Variants in METTL15 observed in about 807,000 individuals in gnomAD.
The protein encoded by METTL15 is 12S rRNA N(4)-cytidine methyltransferase METTL15.
In METTL15, 34 loss-of-function variants were observed where a neutral mutation model predicts 38.3. The observed-to-expected ratio is 0.89, with a 90% CI of 0.68 to 1.18. METTL15 has a LOEUF of 1.18. METTL15 is among the 50% of genes most tolerant of loss of function. The pLI is 0.00. For missense variants in METTL15, 438 were observed against 498.4 expected, an observed-to-expected ratio of 0.88 and a Z score of 1.15; for synonymous variants, 162 against 170.9, an observed-to-expected ratio of 0.95 and a Z score of 0.41.
chr11:28,356,368 C>T (rs1265324779), intron 4 of METTL15, among the ~76,000 whole-genome samples: 1 of 152,204 alleles, frequency 6.6e-6, no homozygotes, highest in Non-Finnish European at 1.5e-5. Context: ...GCAGTAGACA[C>T]TCAATATTTG....
intron 6 of METTL15, among the ~76,000 whole-genome samples, chr11:28,313,017 T>A (rs1361594391): frequency 6.6e-6 from 1 of 151,950 alleles, no homozygotes; most frequent in Non-Finnish European, 1.5e-5. Flanking sequence ...GTATTATTAG[T>A]CAGAGTTCAT....
chr11:28,292,571 C>A (rs1856561037), intron 5 of METTL15, among the ~76,000 whole-genome samples: 1 of 152,084 alleles, frequency 6.6e-6, no homozygotes, highest in Non-Finnish European at 1.5e-5. Context: ...TGGGTATATA[C>A]CCAGTAATGA....
intron 6 of METTL15, among the ~76,000 whole-genome samples, chr11:28,451,726 C>T (rs1030440868): frequency 1.3e-5 from 2 of 152,314 alleles, no homozygotes; most frequent in East Asian, 1.9e-4. Flanking sequence ...CTGATGGCTT[C>T]CCTTCACTGC....
chr11:28,443,346 C>T (rs1213311016), intron 6 of METTL15, among the ~76,000 whole-genome samples: 1 of 152,108 alleles, frequency 6.6e-6, no homozygotes, highest in Non-Finnish European at 1.5e-5. Context: ...GCTGAGTTCT[C>T]CCTATCTTTC....
At chr11:28,316,630 G>T (rs748743596) in intron 6 of METTL15, among the ~76,000 whole-genome samples, 2 of 152,150 alleles carry the variant, frequency 1.3e-5, no homozygotes, top group Non-Finnish European at 2.9e-5. Context: ...GGAATGACAT[G>T]GTTTGGCTCT....
chr11:28,457,740 G>C (rs1387944161), intron 6 of METTL15, among the ~76,000 whole-genome samples: 3 of 152,194 alleles, frequency 2.0e-5, no homozygotes, highest in South Asian at 2.1e-4. Flanking sequence ...GTAAGGAGGA[G>C]ATCACTTATT....
chr11:28,416,637 A>C (rs1005944601), intron 5 of METTL15, among the ~76,000 whole-genome samples: 1 of 152,176 alleles, frequency 6.6e-6, no homozygotes, highest in Non-Finnish European at 1.5e-5. Context: ...CCCAAACACC[A>C]TAAGGGACTT....
At position 28,438,862 on chromosome 11, in the gene METTL15, CG is replaced by C. The variant is rs899792422; in HGVS notation, c.*424+14505del. ...GCTAATTTTTGTATTTTAGTAGAGA[CG>C]GGGGGGTTTCACCATGTTGGCCAGG... On this transcript the variant is annotated intron_variant and NMD_transcript_variant, in intron 6 of 7. Transcript: ENST00000532947. Among the ~76,000 whole-genome samples, 7 of 151,070 alleles carry C rather than the reference CG, an allele frequency of 4.6e-5. No homozygotes were observed. The East Asian group carries it at 5.8e-4, about 13-fold the overall frequency.
At chr11:28,373,468 G>GT (rs36172552) in intron 5 of METTL15, among the ~76,000 whole-genome samples, 9 of 151,914 alleles carry the variant, frequency 5.9e-5, no homozygotes, top group African/African-American at 1.9e-4. Flanking sequence ...TGATGGGGTT[G>GT]TTTTTTTCTT....
At chr11:28,352,400 A>T (rs1278852259) in intron 4 of METTL15, among the ~76,000 whole-genome samples, 1 of 152,138 alleles carries the variant, frequency 6.6e-6, no homozygotes, top group Non-Finnish European at 1.5e-5. Context: ...AGGGCAGGAT[A>T]GTAGGGGAGA....
chr11:28,492,889 A>G (rs1484229574), intron 6 of METTL15, among the ~76,000 whole-genome samples: 1 of 152,144 alleles, frequency 6.6e-6, no homozygotes, highest in Non-Finnish European at 1.5e-5. Flanking sequence ...AAGTAGGCAT[A>G]TTATTTGGTT....
At chr11:28,511,916 C>T (rs541043815) in intron 6 of METTL15, among the ~76,000 whole-genome samples, 81 of 152,196 alleles carry the variant, frequency 5.3e-4, no homozygotes, top group African/African-American at 1.6e-3. Flanking sequence ...TTACAGAGAG[C>T]GGGAGTGGTC....
intron 5 of METTL15, among the ~76,000 whole-genome samples, chr11:28,378,162 C>T (rs1323363403): frequency 6.6e-6 from 1 of 152,176 alleles, no homozygotes; most frequent in Non-Finnish European, 1.5e-5. Flanking sequence ...GGCAGGCCTC[C>T]TTGAGCTGTG....
chr11:28,263,318 A>G (rs149076246), intron 4 of METTL15, among the ~76,000 whole-genome samples: 2 of 152,194 alleles, frequency 1.3e-5, no homozygotes, highest in Non-Finnish European at 2.9e-5. Context: ...TATCGTTCAC[A>G]TATTATTGGC....
intron 6 of METTL15, among the ~76,000 whole-genome samples, chr11:28,520,013 G>A (rs988440941): frequency 6.6e-6 from 1 of 152,166 alleles, no homozygotes; most frequent in African/African-American, 2.4e-5. Flanking sequence ...AAGGAAGATA[G>A]GAAGTATTTA....
intron 5 of METTL15, among the ~76,000 whole-genome samples, chr11:28,363,072 T>C (rs529490374): frequency 2.6e-5 from 4 of 152,376 alleles, no homozygotes; most frequent in African/African-American, 7.2e-5. Flanking sequence ...AGATAGTATA[T>C]AATCGTGATT....
At chr11:28,376,137 T>A (rs564690187) in intron 5 of METTL15, among the ~76,000 whole-genome samples, 1 of 151,866 alleles carries the variant, frequency 6.6e-6, no homozygotes, top group Admixed American at 6.6e-5. Context: ...AAAAAATGTA[T>A]ATTCTGTTGA....
intron 6 of METTL15, among the ~76,000 whole-genome samples, chr11:28,433,671 T>C (rs1340346158): frequency 6.6e-6 from 1 of 152,176 alleles, no homozygotes; most frequent in African/African-American, 2.4e-5. Context: ...TGGTTCTTCA[T>C]GGAGCTTAGA....
chr11:28,372,987 T>C (rs1242048105), intron 5 of METTL15, among the ~76,000 whole-genome samples: 1 of 151,854 alleles, frequency 6.6e-6, no homozygotes, highest in Non-Finnish European at 1.5e-5. Context: ...CCATGGTGTA[T>C]ATGTGCCACA....
Sources: allele counts gnomAD v4.1 joint callset (sites outside exome capture counted in the v4.1 genomes callset), GRCh38; gene constraint gnomAD v4.1.1; transcripts MANE v1.5; gene names NCBI Gene and HGNC (gene_info 2026-07-23, HGNC 2026-07-21).